Variants in GCNT2 observed in about 807,000 individuals in gnomAD.
The protein encoded by GCNT2 is N-acetyllactosaminide beta-1,6-N-acetylglucosaminyl-transferase.
In GCNT2, 34 loss-of-function variants were observed where a neutral mutation model predicts 34.2. The ratio of observed to expected loss-of-function variants is 1.00; its 90% confidence interval spans 0.76 to 1.32. GCNT2 has a LOEUF of 1.32. GCNT2 is among the 40% of genes most tolerant of loss of function. The pLI is 0.00. For missense variants in GCNT2, 584 were observed against 489.4 expected (o/e 1.19, Z -1.82); for synonymous variants, 212 against 188.0 (o/e 1.13, Z -1.04).
intron 3 of GCNT2, among the ~76,000 whole-genome samples, chr6:10,602,527 A>G (rs1439731326): frequency 6.6e-6 from 1 of 152,228 alleles, no homozygotes; most frequent in East Asian, 1.9e-4. Context: ...TAGGCTTGCA[A>G]TAGATAGGGA....
chr6:10,566,053 G>A (rs78043190), intron 3 of GCNT2, among the ~76,000 whole-genome samples: 1,550 of 152,156 alleles, frequency 0.01, 11 homozygotes, highest in Middle Eastern at 0.014. Context: ...CTCTAGCTGC[G>A]CCCTTCCCCA....
At position 10,527,949 on chromosome 6, in the gene GCNT2, T is replaced by C. The variant is rs55823938; in HGVS notation, c.-282+289T>C. 8.3e-3 allele frequency among the ~76,000 whole-genome samples: 1,260 copies of C among 152,318 alleles called. 26 individuals carry two copies. The highest frequency in any genetic ancestry group is 0.028 in the African/African-American group (1,174 of 41,566). ...TCTCTCCTAAAATTCAAGACTGAGA[T>C]GCTCTTCTCTCCTTCCTCTAAGCAT... On this transcript the variant is annotated intron_variant, in intron 2 of 4. Transcript: ENST00000495262.
chr6:10,624,960 C>T (rs1262411248), intron 4 of GCNT2, among the ~76,000 whole-genome samples: 1 of 152,126 alleles, frequency 6.6e-6, no homozygotes, highest in Non-Finnish European at 1.5e-5. Context: ...TTCTCCAGGC[C>T]GAAATATTCT....
rs189695512 is a variant in GCNT2, at chr6:10,581,747, G to A, written c.926-39604G>A. On this transcript the variant is annotated intron_variant, in intron 3 of 4. Transcript: ENST00000495262. ...TGAGGCAAAGAGAAGGGAAAAAACC[G>A]ACTGAACCTGCAATAGAAGACCTTT... 2,323 of 985,126 alleles carry A rather than the reference G, an allele frequency of 2.4e-3. 7 individuals carry two copies. The highest frequency in any genetic ancestry group is 2.4e-3 in the Non-Finnish European group (1,972 of 829,816). 61.0% of individuals were successfully genotyped at this position (985,126 alleles called of 1,614,324 possible). A position where few individuals can be genotyped will look rare whatever the true frequency, so the allele number is the denominator to read the frequency against.
At chr6:10,552,631 ATACTACATCAT>A (rs1446606109) in intron 3 of GCNT2, among the ~76,000 whole-genome samples, 1 of 152,212 alleles carries the variant, frequency 6.6e-6, no homozygotes, top group African/African-American at 2.4e-5. Flanking sequence ...TTATATGCAA[ATACTACATCAT>A]GTTATATCAG....
intron 3 of GCNT2, chr6:10,586,884 C>T: frequency 6.2e-7 from 1 of 1,613,618 alleles, no homozygotes. Context: ...TCCTGATGAG[C>T]ATTTCTGGGT....
At position 10,628,415 on chromosome 6, in the gene GCNT2, CT is replaced by C. The variant is rs955588774; in HGVS notation, c.*1809del. 6.6e-6 allele frequency: 1 copy of C among 151,804 alleles called. No individual in the cohort carries two copies. The highest frequency in any genetic ancestry group is 2.4e-5 in the African/African-American group (1 of 41,356). The allele number at this position is 151,804 out of a possible 1,614,324, so 9.4% of individuals were successfully genotyped here. On this transcript the variant is annotated 3_prime_UTR_variant, in exon 5 of 5. Transcript: ENST00000495262. ...CTTTGAAGTAAAACCTTTTTTCTTGCTACTGAAAAAAATGGAGTTGTTTTGG... is the reference window on the plus strand; with the variant it reads ...CTTTGAAGTAAAACCTTTTTTCTTGCACTGAAAAAAATGGAGTTGTTTTGG...
Position 10,529,095 on chromosome 6 carries a change from G to T in GCNT2, c.184G>T (p.Glu62Ter), listed in dbSNP as rs1248074634. ...TGAGGGGAAAGTTTTTTACCCAACA[G>T]AAAATGCATTGAAAACTACCCTTGA... is the stretch of plus-strand genomic sequence containing the variant. Reference protein sequence around the residue: ...IFEGKVFYPTENALKTTLDEA... With the variant: ...IFEGKVFYPT Residue 62 changes from glutamate (E) to a stop codon, truncating the protein, a stop_gained, in exon 3 of 5, where the codon GAA becomes TAA. Transcript: ENST00000495262. LOFTEE classifies it high-confidence loss of function. 1 of 1,614,116 alleles carries T rather than the reference G, an allele frequency of 6.2e-7. No individual in the cohort carries two copies. Among genetic ancestry groups the T allele is most frequent in the South Asian group, 1.1e-5 (1 of 91,080 alleles).
intron 3 of GCNT2, among the ~76,000 whole-genome samples, chr6:10,574,265 C>T (rs1763688150): frequency 6.6e-6 from 1 of 152,138 alleles, no homozygotes; most frequent in Non-Finnish European, 1.5e-5. Context: ...GTTACCTCCA[C>T]CAGAAACCAG....
intron 3 of GCNT2, among the ~76,000 whole-genome samples, chr6:10,557,530 C>T (rs902027477): frequency 6.6e-6 from 1 of 151,788 alleles, no homozygotes; most frequent in Non-Finnish European, 1.5e-5. Flanking sequence ...CTCTGTGGCC[C>T]AGGCTGGAGT....
chr6:10,566,179 G>A (rs1763275761), intron 3 of GCNT2, among the ~76,000 whole-genome samples: 1 of 149,904 alleles, frequency 6.7e-6, no homozygotes, highest in Non-Finnish European at 1.5e-5. Flanking sequence ...TGATTGATGT[G>A]TGCTTTTTTT....
rs1766346012 is a variant in GCNT2 at position 10,628,124 on chromosome 6, G to A, written c.*1517G>A. Reference sequence around the variant, plus strand: ...CCTGAGGTGGATTTACTGAGAGAAGGTGAAATAAAGCCATATTTAGTATAC... The same window carrying A: ...CCTGAGGTGGATTTACTGAGAGAAGATGAAATAAAGCCATATTTAGTATAC... On this transcript the variant is annotated 3_prime_UTR_variant, in exon 5 of 5. Coordinates refer to ENST00000495262, the MANE Select transcript of GCNT2 (RefSeq NM_145649.5). 6.6e-6 allele frequency: 1 copy of A among 152,552 alleles called. No homozygotes were observed. Among genetic ancestry groups the A allele is most frequent in the Admixed American group, 6.5e-5 (1 of 15,274 alleles). 9.4% of individuals were successfully genotyped at this position (152,552 alleles called of 1,614,324 possible). A position where few individuals can be genotyped will look rare whatever the true frequency, so the allele number is the denominator to read the frequency against.
At chr6:10,577,589 G>A (rs569626626) in intron 3 of GCNT2, among the ~76,000 whole-genome samples, 70 of 152,240 alleles carry the variant, frequency 4.6e-4, no homozygotes, top group African/African-American at 1.6e-3. Flanking sequence ...TGCCCAGGCT[G>A]GAGTGCAATG....
At chr6:10,525,636 T>C (rs1010894348) in intron 1 of GCNT2, among the ~76,000 whole-genome samples, 1 of 152,196 alleles carries the variant, frequency 6.6e-6, no homozygotes, top group African/African-American at 2.4e-5. Context: ...AATAGGTTCA[T>C]ATTAATTCTT....
chr6:10,534,912 A>G (rs1159744573), intron 3 of GCNT2, among the ~76,000 whole-genome samples: 3 of 152,146 alleles, frequency 2.0e-5, no homozygotes, highest in African/African-American at 7.2e-5. Context: ...GTCCGGGCAC[A>G]GTGGCTCACG....
In GCNT2 at chr6:10,617,747, C is replaced by CTTTTTTTT. The variant is rs1407402607; in HGVS notation, c.926-3602_926-3601insTTTTTTTT. On this transcript the variant is annotated intron_variant, in intron 3 of 4. Transcript: ENST00000495262. Reference sequence around the variant, plus strand: ...CTGCACCTGGCCAGAGTCTGCATTTCTTCTTTTTTTTTTTTTTTTTTTTTT... The same window carrying CTTTTTTTT: ...CTGCACCTGGCCAGAGTCTGCATTTCTTTTTTTTTTCTTTTTTTTTTTTTTTTTTTTTT... 1.5e-3 allele frequency among the ~76,000 whole-genome samples: 174 copies of CTTTTTTTT among 114,214 alleles called. 4 individuals are homozygous for CTTTTTTTT. The highest frequency in any genetic ancestry group is 7.0e-3 in the African/African-American group (164 of 23,510). The allele number at this position is 114,214 out of a possible 152,430, so 74.9% of individuals were successfully genotyped here. A position where few individuals can be genotyped will look rare whatever the true frequency, so the allele number is the denominator to read the frequency against.
chr6:10,589,176 G>C (rs1454035768), intron 3 of GCNT2, among the ~76,000 whole-genome samples: 21 of 111,334 alleles, frequency 1.9e-4, no homozygotes, highest in Non-Finnish European at 3.2e-4. Context: ...TGTGTGTGTG[G>C]TGTATGTGCG....
At chr6:10,583,282 G>A (rs1764202336) in intron 3 of GCNT2, among the ~76,000 whole-genome samples, 1 of 152,256 alleles carries the variant, frequency 6.6e-6, no homozygotes, top group Admixed American at 6.5e-5. Context: ...AAGGGGTGGA[G>A]TGGAGCAGAG....
At chr6:10,557,405 A>C (rs879094673) in intron 3 of GCNT2, 247 of 1,273,102 alleles carry the variant, frequency 1.9e-4, no homozygotes, top group Middle Eastern at 1.9e-4. Context: ...CTTTAGAATA[A>C]CCAGCCACTT....
Sources: allele counts gnomAD v4.1 joint callset (sites outside exome capture counted in the v4.1 genomes callset), GRCh38; gene constraint gnomAD v4.1.1; transcripts MANE v1.5; gene names NCBI Gene and HGNC (gene_info 2026-07-23, HGNC 2026-07-21).